Variants in MBNL1 observed in about 807,000 individuals in gnomAD.
MBNL1 encodes the protein muscleblind-like protein 1.
Under a neutral mutation model 42.2 loss-of-function variants are expected in MBNL1, and 8 were observed. The ratio of observed to expected loss-of-function variants is 0.19; its 90% CI spans 0.11 to 0.34. MBNL1 has a LOEUF of 0.34. Ranked by LOEUF, MBNL1 falls within the 10% of genes least tolerant of loss-of-function variation. The probability of loss-of-function intolerance (pLI) is 1.00; values close to 1 mark genes in which losing one functional copy is unlikely to be tolerated. For missense variants in MBNL1, 309 were observed against 495.3 expected (o/e 0.62, Z 3.57); for synonymous variants, 169 against 173.9 (o/e 0.97, Z 0.22).
intron 2 of MBNL1, among the ~76,000 whole-genome samples, chr3:152,318,209 A>G (rs993927001): frequency 6.6e-6 from 1 of 152,190 alleles, no homozygotes; most frequent in African/African-American, 2.4e-5. Context: ...TATTTTTCTT[A>G]GTGACTGTTC....
At chr3:152,440,324 C>T (rs2153815671) in intron 4 of MBNL1, among the ~76,000 whole-genome samples, 1 of 152,296 alleles carries the variant, frequency 6.6e-6, no homozygotes, top group African/African-American at 2.4e-5. Context: ...ATACCCAAGA[C>T]TGGGCAATTT....
At chr3:152,323,600 A>G (rs961117874) in intron 2 of MBNL1, among the ~76,000 whole-genome samples, 3 of 152,154 alleles carry the variant, frequency 2.0e-5, no homozygotes, top group African/African-American at 2.4e-5. Flanking sequence ...TCTAGGCTGT[A>G]TAGTACGGCC....
At chr3:152,307,891 A>G (rs16864158) in intron 2 of MBNL1, among the ~76,000 whole-genome samples, 2,283 of 152,242 alleles carry the variant, frequency 0.015, 53 homozygotes, top group African/African-American at 0.052. Flanking sequence ...TAAGTCAACA[A>G]ATGAGTCAAG....
At chr3:152,277,331 G>A (rs1313920410) in intron 1 of MBNL1, among the ~76,000 whole-genome samples, 1 of 152,112 alleles carries the variant, frequency 6.6e-6, no homozygotes, top group East Asian at 1.9e-4. Context: ...CAACCAGGCA[G>A]TTCTCCTCTC....
intron 2 of MBNL1, among the ~76,000 whole-genome samples, chr3:152,389,737 G>A (rs1056632306): frequency 6.6e-6 from 1 of 152,102 alleles, no homozygotes; most frequent in African/African-American, 2.4e-5. Flanking sequence ...TTCTGGATGA[G>A]TGAGTGAGTA....
chr3:152,379,921 A>C lies in MBNL1; in HGVS notation c.175-35020A>C, dbSNP rs535534525. 6.8e-4 allele frequency among the ~76,000 whole-genome samples: 103 copies of C among 152,262 alleles called. 1 individual carries two copies. Among genetic ancestry groups the C allele is most frequent in the African/African-American group, 2.4e-3 (100 of 41,566 alleles). On this transcript the variant is annotated intron_variant, in intron 2 of 9. Coordinates refer to ENST00000324210, the MANE Select transcript of MBNL1 (RefSeq NM_021038.5). ...GGATGTTTATACTATAAGGCAATTA[A>C]ATACTTACTAAGTAGATATAATTTC...
intron 2 of MBNL1, among the ~76,000 whole-genome samples, chr3:152,261,508 CG>C (rs915617633): frequency 3.3e-5 from 5 of 152,142 alleles, no homozygotes; most frequent in African/African-American, 1.2e-4. Context: ...TTAAAGCAAA[CG>C]CTCTTGAGGG....
chr3:152,264,940 AATAC>A (rs1453401388), upstream of MBNL1: 11 of 152,052 alleles, frequency 7.2e-5, no homozygotes, highest in African/African-American at 2.7e-4. Context: ...TATCTATTAG[AATAC>A]ATATTTTTAT....
intron 2 of MBNL1, among the ~76,000 whole-genome samples, chr3:152,332,525 A>C (rs1207602735): frequency 1.3e-5 from 2 of 152,190 alleles, no homozygotes. Flanking sequence ...AAGGTAAATA[A>C]ACTGTAAATG....
At chr3:152,332,690 TTTTG>T (rs1485389159) in intron 2 of MBNL1, among the ~76,000 whole-genome samples, 68 of 129,020 alleles carry the variant, frequency 5.3e-4, no homozygotes, top group East Asian at 1.4e-3. Context: ...GTTTTCATGG[TTTTG>T]TGTGTGTGTG....
At position 152,381,785 on chromosome 3, in the gene MBNL1, G is replaced by A. The variant is rs567536514; in HGVS notation, c.175-33156G>A. 5.3e-5 allele frequency among the ~76,000 whole-genome samples: 8 copies of A among 152,064 alleles called. No individual in the cohort carries two copies. The South Asian group carries it at 1.7e-3, about 31-fold the overall frequency. On this transcript the variant is annotated intron_variant, in intron 2 of 9. Transcript: ENST00000324210. ...ATCTAGTTTAGCTTTGTAACTTAGA[G>A]TGAGAAAAGGCTATGGTTTGTTCTC... is the stretch of plus-strand genomic sequence containing the variant.
intron 2 of MBNL1, chr3:152,340,506 A>T (rs1341368790): frequency 3.2e-6 from 5 of 1,564,672 alleles, no homozygotes; most frequent in Non-Finnish European, 4.3e-6. Context: ...TATATTAAAA[A>T]TAGTGGAAGT....
chr3:152,258,099 T>C (rs1054605915), intron 2 of MBNL1, among the ~76,000 whole-genome samples: 8 of 152,226 alleles, frequency 5.3e-5, no homozygotes, highest in African/African-American at 1.9e-4. Context: ...TACCATCTTG[T>C]AGAAAATAGC....
At chr3:152,249,853 T>C (rs367959541) in intron 2 of MBNL1, among the ~76,000 whole-genome samples, 69 of 147,670 alleles carry the variant, frequency 4.7e-4, no homozygotes, top group African/African-American at 1.5e-3. Flanking sequence ...CCAGTTTTCC[T>C]AGCACCATTT....
chr3:152,357,882 A>G (rs2095639907), intron 2 of MBNL1, among the ~76,000 whole-genome samples: 1 of 152,216 alleles, frequency 6.6e-6, no homozygotes, highest in East Asian at 1.9e-4. Flanking sequence ...TCAGCTTATC[A>G]GGACATGGAT....
chr3:152,252,866 C>T (rs2034860862), intron 2 of MBNL1, among the ~76,000 whole-genome samples: 1 of 151,986 alleles, frequency 6.6e-6, no homozygotes, highest in South Asian at 2.1e-4. Context: ...CTAGAGTATT[C>T]CTGCCCCCAG....
intron 2 of MBNL1, among the ~76,000 whole-genome samples, chr3:152,358,768 CTATTAT>C (rs141444624): frequency 0.02 from 3,004 of 151,396 alleles, 107 homozygotes; most frequent in African/African-American, 0.07. Context: ...ATTATTATTA[CTATTAT>C]TATTATTATT....
chr3:152,381,010 A>C (rs1435696640), intron 2 of MBNL1, among the ~76,000 whole-genome samples: 1 of 152,080 alleles, frequency 6.6e-6, no homozygotes, highest in Non-Finnish European at 1.5e-5. Context: ...GCAATAAGAT[A>C]AACTGGCTTT....
intron 2 of MBNL1, among the ~76,000 whole-genome samples, chr3:152,245,321 C>A (rs2032648642): frequency 6.6e-6 from 1 of 152,068 alleles, no homozygotes; most frequent in Admixed American, 6.6e-5. Context: ...CTGTTGGTTT[C>A]TTTATACTTT....
Sources: allele counts gnomAD v4.1 joint callset (sites outside exome capture counted in the v4.1 genomes callset), GRCh38; gene constraint gnomAD v4.1.1; transcripts MANE v1.5; gene names NCBI Gene and HGNC (gene_info 2026-07-23, HGNC 2026-07-21).